SRBD1: variants seen among roughly 807,000 people sequenced by gnomAD.
SRBD1 encodes the protein S1 RNA binding domain 1.
Under a neutral mutation model 115.3 loss-of-function variants are expected in SRBD1, and 88 were observed. The observed-to-expected ratio is 0.76, with a 90% CI of 0.64 to 0.91. SRBD1 has a LOEUF of 0.91. Among genes scored for constraint, SRBD1 ranks in the 40% least tolerant of loss-of-function variants. SRBD1 has a pLI of 0.00. For missense variants in SRBD1, 1,385 were observed against 1,177.4 expected, an observed-to-expected ratio of 1.18 and a Z score of -2.58; for synonymous variants, 509 against 407.7, an observed-to-expected ratio of 1.25 and a Z score of -2.99.
intron 4 of SRBD1, among the ~76,000 whole-genome samples, chr2:45,596,737 G>C (rs1443249220): frequency 1.3e-5 from 2 of 152,112 alleles, no homozygotes; most frequent in Non-Finnish European, 2.9e-5. Flanking sequence ...TAAGTATTAT[G>C]ATCCCTTGTC....
intron 7 of SRBD1, among the ~76,000 whole-genome samples, chr2:45,575,498 C>T (rs929966950): frequency 6.6e-6 from 1 of 152,150 alleles, no homozygotes; most frequent in African/African-American, 2.4e-5. Flanking sequence ...ACCTGAATTA[C>T]ACAAGCACTG....
chr2:45,531,044 C>T (rs1044748139), intron 14 of SRBD1, among the ~76,000 whole-genome samples: 1 of 151,882 alleles, frequency 6.6e-6, no homozygotes, highest in Non-Finnish European at 1.5e-5. Context: ...CCTACACACA[C>T]ATACTAGGCT....
At chr2:45,393,644 T>C (rs1045281853) in intron 19 of SRBD1, among the ~76,000 whole-genome samples, 1 of 152,218 alleles carries the variant, frequency 6.6e-6, no homozygotes, top group African/African-American at 2.4e-5. Context: ...CCTCCCAAAG[T>C]GCTGGGATTA....
intron 16 of SRBD1, among the ~76,000 whole-genome samples, chr2:45,448,754 G>T (rs1001646623): frequency 6.6e-6 from 1 of 152,020 alleles, no homozygotes; most frequent in Admixed American, 6.6e-5. Flanking sequence ...TTAGAAAACA[G>T]GATTCCTACA....
At chr2:45,437,775 AGACCTAAATGTAAAACAT>A (rs1346870277) in intron 16 of SRBD1, among the ~76,000 whole-genome samples, 1 of 152,220 alleles carries the variant, frequency 6.6e-6, no homozygotes, top group African/African-American at 2.4e-5. Context: ...AATGAATCAT[AGACCTAAATGTAAAACAT>A]GAAACCATAA....
At chr2:45,597,398 C>T (rs546439071) in intron 4 of SRBD1, among the ~76,000 whole-genome samples, 41 of 146,528 alleles carry the variant, frequency 2.8e-4, no homozygotes, top group East Asian at 1.2e-3. Context: ...TCAGCCTGGG[C>T]GACAGAGTGA....
chr2:45,456,812 C>T (rs1222544528), intron 16 of SRBD1, among the ~76,000 whole-genome samples: 1 of 151,796 alleles, frequency 6.6e-6, no homozygotes, highest in Non-Finnish European at 1.5e-5. Flanking sequence ...AAATTAATTA[C>T]TTATGACTTA....
At chr2:45,585,242 T>C (rs1448341866) in intron 5 of SRBD1, among the ~76,000 whole-genome samples, 1 of 152,170 alleles carries the variant, frequency 6.6e-6, no homozygotes, top group Non-Finnish European at 1.5e-5. Context: ...CTTTATGAAA[T>C]TAAAAGGACA....
chr2:45,547,738 A>G, intron 12 of SRBD1, 126 bp from the exon 13 acceptor site: 1 of 654,954 alleles, frequency 1.5e-6, no homozygotes, highest in Non-Finnish European at 2.5e-6. Flanking sequence ...AGTCTGAACT[A>G]TTCATATTCA....
At chr2:45,461,147 T>C (rs1191250029) in intron 16 of SRBD1, among the ~76,000 whole-genome samples, 1 of 152,222 alleles carries the variant, frequency 6.6e-6, no homozygotes, top group Admixed American at 6.5e-5. Flanking sequence ...AATGACACAA[T>C]TTTTAGAGTA....
At chr2:45,412,103 CAAAAA>C (rs1006692866) in intron 19 of SRBD1, among the ~76,000 whole-genome samples, 3 of 150,830 alleles carry the variant, frequency 2.0e-5, no homozygotes, top group African/African-American at 7.3e-5. Flanking sequence ...GATCTTGTCT[CAAAAA>C]CAAAACAAAA....
At chr2:45,402,972 C>T (rs1054307241) in intron 19 of SRBD1, among the ~76,000 whole-genome samples, 1 of 152,128 alleles carries the variant, frequency 6.6e-6, no homozygotes, top group African/African-American at 2.4e-5. Context: ...GGGTCTCATT[C>T]TACTAATATA....
chr2:45,502,345 G>T (rs573318752), intron 14 of SRBD1, among the ~76,000 whole-genome samples: 2 of 152,176 alleles, frequency 1.3e-5, no homozygotes, highest in African/African-American at 4.8e-5. Flanking sequence ...ATACCCAAAG[G>T]ATTATAAATC....
intron 4 of SRBD1, among the ~76,000 whole-genome samples, chr2:45,590,093 G>C (rs529894036): frequency 1.1e-4 from 17 of 152,364 alleles, no homozygotes; most frequent in African/African-American, 3.6e-4. Flanking sequence ...CCTCTGATGA[G>C]AAACCAATGC....
rs768590749 is a variant in SRBD1 at position 45,434,324 on chromosome 2, C to T, written c.2050-14430G>A. On this transcript the variant is annotated intron_variant, in intron 16 of 20. Transcript: ENST00000263736. ...GAGTGCCCATGTTGTTCAGTGAGGT[C>T]TCCCCATTCTGGATGGCCTCAATTC... 1.3e-3 allele frequency among the ~76,000 whole-genome samples: 196 copies of T among 152,168 alleles called. 3 individuals carry two copies. The highest frequency in any genetic ancestry group is 5.3e-4 in the Non-Finnish European group (36 of 68,032).
intron 14 of SRBD1, among the ~76,000 whole-genome samples, chr2:45,516,422 A>G (rs2103941257): frequency 6.6e-6 from 1 of 152,352 alleles, no homozygotes; most frequent in South Asian, 2.1e-4. Flanking sequence ...CCATCCTTAA[A>G]AATGATGAGA....
chr2:45,597,541 G>C (rs1673941717), intron 4 of SRBD1, among the ~76,000 whole-genome samples: 3 of 152,158 alleles, frequency 2.0e-5, no homozygotes, highest in African/African-American at 7.2e-5. Flanking sequence ...AAAGAAGCAA[G>C]AAAATCTTAT....
intron 18 of SRBD1, among the ~76,000 whole-genome samples, chr2:45,413,883 G>C (rs1667680555): frequency 6.6e-6 from 1 of 152,008 alleles, no homozygotes; most frequent in Admixed American, 6.6e-5. Flanking sequence ...AGTGAGCTGA[G>C]ATCCTGCCAC....
In SRBD1 at chr2:45,546,256, T is replaced by A. The variant is rs369356728; in HGVS notation, c.1874+476A>T. ...TGTATGCCTATATGAAATAAAAGTT[T>A]GTGACCAAGGGATAAATGAGGAAAG... On this transcript the variant is annotated intron_variant, in intron 14 of 20. Transcript: ENST00000263736. 3.0e-6 allele frequency: 3 copies of A among 985,294 alleles called. No individual in the cohort carries two copies. The African/African-American group carries it at 5.2e-5, about 17-fold the overall frequency. The allele number at this position is 985,294 out of a possible 1,614,324, so 61.0% of individuals were successfully genotyped here. A position where few individuals can be genotyped will look rare whatever the true frequency, so the allele number is the denominator to read the frequency against.
Sources: allele counts gnomAD v4.1 joint callset (sites outside exome capture counted in the v4.1 genomes callset), GRCh38; gene constraint gnomAD v4.1.1; transcripts MANE v1.5; gene names NCBI Gene and HGNC (gene_info 2026-07-23, HGNC 2026-07-21).